Variants in CCSER1 observed in about 807,000 individuals in gnomAD.
CCSER1 encodes the protein coiled-coil serine rich protein 1.
A neutral mutation model predicts 82.0 loss-of-function variants in CCSER1; 41 were observed. The observed-to-expected ratio is 0.50, with a 90% CI of 0.39 to 0.65. The LOEUF (loss-of-function observed/expected upper bound fraction) is 0.65. Among genes scored for constraint, CCSER1 ranks in the 30% least tolerant of loss-of-function variants. CCSER1 has a pLI of 0.00. For missense variants in CCSER1, 1,119 were observed against 1,064.2 expected (o/e 1.05, Z -0.72); for synonymous variants, 414 against 383.9 (o/e 1.08, Z -0.92).
At chr4:90,639,204 CAT>C (rs1038316888) in intron 6 of CCSER1, among the ~76,000 whole-genome samples, 2 of 151,016 alleles carry the variant, frequency 1.3e-5, no homozygotes, top group African/African-American at 4.9e-5. Flanking sequence ...TATATATACA[CAT>C]ATATATCAGT....
chr4:91,546,300 C>T (rs1396634320), intron 10 of CCSER1, among the ~76,000 whole-genome samples: 1 of 152,044 alleles, frequency 6.6e-6, no homozygotes, highest in Middle Eastern at 3.2e-3. Flanking sequence ...GGAACCATTC[C>T]TTCTGCTTCC....
intron 10 of CCSER1, among the ~76,000 whole-genome samples, chr4:91,554,495 A>G (rs1320677212): frequency 6.6e-6 from 1 of 151,278 alleles, no homozygotes; most frequent in Non-Finnish European, 1.5e-5. Context: ...TTTAACCAGA[A>G]AGAGGAAAAT....
intron 9 of CCSER1, among the ~76,000 whole-genome samples, chr4:91,069,901 A>G (rs1370343140): frequency 2.0e-5 from 3 of 152,180 alleles, no homozygotes; most frequent in Non-Finnish European, 4.4e-5. Context: ...TTTATTGTAT[A>G]TAATCATATA....
chr4:90,554,900 G>A (rs1232639401), intron 5 of CCSER1, among the ~76,000 whole-genome samples: 1 of 152,164 alleles, frequency 6.6e-6, no homozygotes, highest in Admixed American at 6.5e-5. Context: ...GTGAAGATGA[G>A]AAGAGAGCCA....
intron 8 of CCSER1, among the ~76,000 whole-genome samples, chr4:90,869,909 A>G (rs976568801): frequency 6.6e-6 from 1 of 151,540 alleles, no homozygotes; most frequent in Non-Finnish European, 1.5e-5. Flanking sequence ...TTTATTGTAG[A>G]GATATTTTAC....
chr4:90,164,954 G>T (rs1358925838), intron 1 of CCSER1, among the ~76,000 whole-genome samples: 1 of 152,118 alleles, frequency 6.6e-6, no homozygotes, highest in Admixed American at 6.6e-5. Flanking sequence ...GAGGAACAAA[G>T]GAGTATTGAT....
At chr4:90,613,535 A>G (rs1424146171) in intron 5 of CCSER1, among the ~76,000 whole-genome samples, 1 of 152,182 alleles carries the variant, frequency 6.6e-6, no homozygotes, top group Non-Finnish European at 1.5e-5. Flanking sequence ...TGTTGCTACT[A>G]AAGATTCACA....
chr4:91,557,274 G>T (rs7672916), intron 10 of CCSER1, among the ~76,000 whole-genome samples: 81,600 of 151,034 alleles, frequency 0.54, 22,251 homozygotes, highest in East Asian at 0.61. Context: ...CCAGGAATTT[G>T]TTATTTTATA....
intron 5 of CCSER1, among the ~76,000 whole-genome samples, chr4:90,559,974 A>T (rs959269476): frequency 6.6e-6 from 1 of 151,822 alleles, no homozygotes; most frequent in Non-Finnish European, 1.5e-5. Context: ...GAAAAACTAC[A>T]ACAACAACAA....
At chr4:91,214,747 A>C (rs1232245230) in intron 10 of CCSER1, among the ~76,000 whole-genome samples, 1 of 152,144 alleles carries the variant, frequency 6.6e-6, no homozygotes, top group East Asian at 1.9e-4. Context: ...ACATTTCTTC[A>C]CCTACCACTT....
At chr4:91,195,156 G>A (rs1009301733) in intron 10 of CCSER1, among the ~76,000 whole-genome samples, 2 of 152,316 alleles carry the variant, frequency 1.3e-5, no homozygotes, top group African/African-American at 2.4e-5. Context: ...CTGAGAGCTA[G>A]TAACACTTCA....
At chr4:91,557,200 C>T (rs772023410) in intron 10 of CCSER1, among the ~76,000 whole-genome samples, 5 of 151,194 alleles carry the variant, frequency 3.3e-5, no homozygotes, top group Non-Finnish European at 7.4e-5. Context: ...TGTGATCTGT[C>T]CTTAGGAGCT....
chr4:90,275,756 G>T (rs1442468284), intron 1 of CCSER1, among the ~76,000 whole-genome samples: 1 of 152,150 alleles, frequency 6.6e-6, no homozygotes, highest in Non-Finnish European at 1.5e-5. Flanking sequence ...TGTCACTCAG[G>T]AGTGTTTATA....
intron 5 of CCSER1, among the ~76,000 whole-genome samples, chr4:90,476,431 G>A (rs1047333744): frequency 6.6e-6 from 1 of 152,052 alleles, no homozygotes; most frequent in African/African-American, 2.4e-5. Flanking sequence ...GGTCGGTGGG[G>A]GCATTCACCT....
At chr4:90,810,838 T>TG (rs1451436668) in intron 7 of CCSER1, among the ~76,000 whole-genome samples, 1 of 140,580 alleles carries the variant, frequency 7.1e-6, no homozygotes, top group East Asian at 2.1e-4. Context: ...AATTCTTTTT[T>TG]TTTTTTTTTT....
In CCSER1 at chr4:91,425,167, C is replaced by T. The variant is rs554735482; in HGVS notation, c.2218-173405C>T. ...ACAGCATGAATTTTTAGTATCCTGG[C>T]TTAAGAGAAAGAAGATAATTGACAT... On this transcript the variant is annotated intron_variant, in intron 10 of 10. Transcript: ENST00000509176. Among the ~76,000 whole-genome samples the T allele has an allele frequency of 1.0e-3, 156 of 152,044 alleles. 1 individual carries two copies. Among genetic ancestry groups the T allele is most frequent in the Non-Finnish European group, 1.8e-3 (120 of 67,974 alleles).
chr4:90,864,526 CA>C (rs1458504717), intron 8 of CCSER1, among the ~76,000 whole-genome samples: 4 of 151,978 alleles, frequency 2.6e-5, no homozygotes, highest in African/African-American at 4.8e-5. Context: ...GATGACACAT[CA>C]AAAAGATCAT....
At chr4:91,275,209 A>C (rs1167540866) in intron 10 of CCSER1, among the ~76,000 whole-genome samples, 1 of 152,154 alleles carries the variant, frequency 6.6e-6, no homozygotes, top group African/African-American at 2.4e-5. Flanking sequence ...AGAAATATTC[A>C]TACTGTTTTC....
intron 9 of CCSER1, among the ~76,000 whole-genome samples, chr4:91,050,552 A>T (rs1236326170): frequency 6.6e-6 from 1 of 152,168 alleles, no homozygotes; most frequent in African/African-American, 2.4e-5. Flanking sequence ...AATCCATTGT[A>T]TTGATAACAT....
Sources: allele counts gnomAD v4.1 joint callset (sites outside exome capture counted in the v4.1 genomes callset), GRCh38; gene constraint gnomAD v4.1.1; transcripts MANE v1.5; gene names NCBI Gene and HGNC (gene_info 2026-07-23, HGNC 2026-07-21).